MYH3: variants seen among roughly 807,000 people sequenced by gnomAD.
MYH3 encodes myosin heavy chain 3.
Under a neutral mutation model 238.0 loss-of-function variants are expected in MYH3, and 130 were observed. The observed-to-expected ratio is 0.55, with a 90% CI of 0.47 to 0.63. The LOEUF (loss-of-function observed/expected upper bound fraction) is 0.63. MYH3 is among the 30% of genes least tolerant of loss of function. MYH3 has a pLI of 0.00. For synonymous variants in MYH3, 880 were observed against 924.1 expected, an observed-to-expected ratio of 0.95 and a Z score of 0.86; for missense variants, 1,853 against 2,374.9, an observed-to-expected ratio of 0.78 and a Z score of 4.57.
intron 34 of MYH3, 85 bp from the exon 35 acceptor site, chr17:10,632,101 T>G: frequency 6.8e-7 from 1 of 1,464,552 alleles, no homozygotes; most frequent in Non-Finnish European, 9.2e-7. Flanking sequence ...TTTGTTTGTT[T>G]GTTTGTTTGT....
chr17:10,630,066 G>A (rs184126464), intron 38 of MYH3, 26 bp downstream of exon 38: 44 of 1,609,372 alleles, frequency 2.7e-5, no homozygotes, highest in African/African-American at 1.2e-4. Flanking sequence ...CAGAGGACAC[G>A]ATCATGGCGT....
At chr17:10,670,799 A>G in the MYH3 span, among the ~76,000 whole-genome samples, 1 of 152,218 alleles carries the variant, frequency 6.6e-6, no homozygotes, top group African/African-American at 2.4e-5. This position sits in a 1 kb window ranked among gnomAD's most constrained non-coding sequence, Gnocchi z 7.0. Context: ...ATATCTTTTC[A>G]GATCATTAAA....
rs369994001 is a variant in MYH3 at position 10,630,141 on chromosome 17, A to G, written c.5513T>C (p.Val1838Ala). ...EGEQKKNTES[V>A]KGLRKYERRV... The stretch of plus-strand genomic sequence containing the variant: ...CCGCTCATACTTCCTCAGGCCCTTA[A>G]CAGACTCTGTGTTCTTCTTCTGCTC... The change falls in exon 38 of 41, where the codon GTT becomes GCT. Residue 1838 changes from valine to alanine, a missense_variant. This residue lies in a region of MYH3 where 1,044 missense variants were observed against 1,192.6 expected (regional missense o/e 0.88). Transcript: ENST00000583535. 1.9e-6 allele frequency: 3 copies of G among 1,613,940 alleles called. No individual in the cohort carries two copies. Among genetic ancestry groups the G allele is most frequent in the Non-Finnish European group, 2.5e-6 (3 of 1,180,020 alleles).
chr17:10,658,152 G>T (rs1038556038), upstream of MYH3, among the ~76,000 whole-genome samples: 1 of 152,158 alleles, frequency 6.6e-6, no homozygotes, highest in South Asian at 2.1e-4. Flanking sequence ...CGGACAAGGG[G>T]GGGCTGTCTA....
chr17:10,632,614 C>T lies in MYH3; in HGVS notation c.4818G>A (p.Val1606=), dbSNP rs747613220. The change falls in exon 34 of 41, where the codon GTG becomes GTA. Residue 1606 remains valine (V), a synonymous_variant. Transcript: ENST00000583535. ...ETMQSALDAE[V]RSRNEAIRLK... is the part of the protein sequence containing the mutation. ...GCCGGATGGCTTCATTCCTGCTCCG[C>T]ACCTCGGCGTCCAGGGCGCTCTGCA... The T allele has an allele frequency of 1.9e-6, 3 of 1,614,160 alleles. No homozygotes were observed. Among genetic ancestry groups the T allele is most frequent in the South Asian group, 2.2e-5 (2 of 91,086 alleles).
upstream of MYH3, among the ~76,000 whole-genome samples, chr17:10,660,142 G>A (rs1242148673): frequency 2.0e-5 from 3 of 152,184 alleles, no homozygotes; most frequent in Admixed American, 2.0e-4. Flanking sequence ...GTAAAACGGG[G>A]GTGACATACC....
the MYH3 span, among the ~76,000 whole-genome samples, chr17:10,664,748 G>T: frequency 1.3e-5 from 2 of 152,196 alleles, no homozygotes; most frequent in African/African-American, 4.8e-5. Flanking sequence ...ATTGAACTCA[G>T]ATGATTGACG....
At position 10,654,631 on chromosome 17, in the gene MYH3, C is replaced by T. The variant is rs2074410731; in HGVS notation, c.204+230G>A. On this transcript the variant is annotated intron_variant, in intron 3 of 40. Coordinates refer to ENST00000583535, the MANE Select transcript of MYH3 (RefSeq NM_002470.4). The surrounding 1 kb of genome is among the most constrained non-coding windows in gnomAD (Gnocchi z 4.5). ...GAACGTGGACAAAAATACCTGAAAA[C>T]TAATTGTTTTAATCAGCCACAGCCA... Among the ~76,000 whole-genome samples, 1 of 152,228 alleles carries T rather than the reference C, an allele frequency of 6.6e-6. No homozygotes were observed. Among genetic ancestry groups the T allele is most frequent in the Admixed American group, 6.5e-5 (1 of 15,284 alleles).
the MYH3 span, chr17:10,676,324 C>T: frequency 1.3e-5 from 2 of 152,212 alleles, no homozygotes; most frequent in Non-Finnish European, 2.9e-5. Flanking sequence ...CTCTCAACCT[C>T]AGGTGATCCA....
intron 4 of MYH3, chr17:10,652,143 G>A (rs1329240268): frequency 1.2e-5 from 6 of 494,920 alleles, no homozygotes; most frequent in Admixed American, 3.2e-5. Flanking sequence ...GGGGAGTGGC[G>A]ACCCTCCCAC....
chr17:10,629,767 G>A, intron 39 of MYH3, 33 bp from the exon 40 acceptor site: 2 of 1,614,212 alleles, frequency 1.2e-6, no homozygotes, highest in Non-Finnish European at 1.7e-6. Flanking sequence ...GGTTATATCA[G>A]CACGCGCCTC....
intron 31 of MYH3, among the ~76,000 whole-genome samples, chr17:10,634,432 C>T (rs572066490): frequency 6.6e-6 from 1 of 152,220 alleles, no homozygotes; most frequent in Non-Finnish European, 1.5e-5. Context: ...GCATAATTGT[C>T]CTTTTCCTAA....
rs201455783 is a variant in MYH3 at position 10,654,135 on chromosome 17, T to TTTTC, written c.204+722_204+725dup. ...GTATTTCCTTTACTTGTCTCTTTTATTTTCTTTCTTTCTTTCTCTTTCTTT... is the reference window on the plus strand; with the variant it reads ...GTATTTCCTTTACTTGTCTCTTTTATTTTCTTTCTTTCTTTCTTTCTCTTTCTTT... On this transcript the variant is annotated intron_variant, in intron 3 of 40. Coordinates refer to ENST00000583535, the MANE Select transcript of MYH3 (RefSeq NM_002470.4). This position sits in a 1 kb window ranked among gnomAD's most constrained non-coding sequence, Gnocchi z 4.5. Among the ~76,000 whole-genome samples, 12 of 146,906 alleles carry TTTTC rather than the reference T, an allele frequency of 8.2e-5. No individual in the cohort carries two copies. Among genetic ancestry groups the TTTTC allele is most frequent in the Middle Eastern group, 3.5e-3 (1 of 288 alleles).
At chr17:10,652,655 T>C (rs553552463) in intron 3 of MYH3, 92 bp from the exon 4 acceptor site, 3 of 1,430,272 alleles carry the variant, frequency 2.1e-6, no homozygotes, top group African/African-American at 3.0e-5. Context: ...GGAGTCTTGC[T>C]TTGTCGCCCA....
At chr17:10,657,887 T>C (rs1044964114), upstream of MYH3, among the ~76,000 whole-genome samples, 16 of 152,106 alleles carry the variant, frequency 1.1e-4, no homozygotes, top group African/African-American at 3.9e-4. Flanking sequence ...CTCCTCCTTC[T>C]ACTCCTCTCC....
Position 10,639,989 on chromosome 17 carries a change from C to T in MYH3, c.2682+7G>A, listed in dbSNP as rs963897280. 7 of 1,612,792 alleles carry T rather than the reference C, an allele frequency of 4.3e-6. No homozygotes were observed. Among genetic ancestry groups the T allele is most frequent in the Non-Finnish European group, 5.9e-6 (7 of 1,179,792 alleles). ...TAAAAAAAAAAAAAAGATTGCTAAA[C>T]ACGTACAGCTTGTACTTGGAGCTGC... is the stretch of plus-strand genomic sequence containing the variant. On this transcript the variant is annotated splice_region_variant and intron_variant, in intron 22 of 40. Coordinates refer to ENST00000583535, the MANE Select transcript of MYH3 (RefSeq NM_002470.4).
rs780640092 is a variant in MYH3 at position 10,655,027 on chromosome 17, G to A, written c.38C>T (p.Ala13Val). Residue 13 changes from alanine to valine, a missense_variant, in exon 3 of 41, where the codon GCT becomes GTT. By Grantham distance (64) the Ala-to-Val change is moderately conservative. This residue lies in a region of MYH3 where 131 missense variants were observed against 123.5 expected (regional missense o/e 1.06). Coordinates refer to ENST00000583535, the MANE Select transcript of MYH3 (RefSeq NM_002470.4). Reference protein sequence around the residue: ...SDTEMEVFGIAAPFLRKSEKE... With the variant: ...SDTEMEVFGIVAPFLRKSEKE... ...TTCTGACTTCCGGAGGAAAGGAGCA[G>A]CTATGCCGAACACTTCCATTTCAGT... 23 of 1,614,086 alleles carry A rather than the reference G, an allele frequency of 1.4e-5. No individual in the cohort carries two copies. The highest frequency in any genetic ancestry group is 3.3e-5 in the Admixed American group (2 of 60,012).
the MYH3 span, among the ~76,000 whole-genome samples, chr17:10,672,112 G>C: frequency 6.6e-6 from 1 of 152,202 alleles, no homozygotes. Context: ...TCCAGAGAAA[G>C]AAAGGGAGGA....
rs937169389 is a variant in MYH3, at chr17:10,654,626, G to A, written c.204+235C>T. Among the ~76,000 whole-genome samples the A allele has an allele frequency of 6.6e-5, 10 of 152,204 alleles. No homozygotes were observed. The highest frequency in any genetic ancestry group is 5.2e-4 in the Admixed American group (8 of 15,284). Reference sequence around the variant, plus strand: ...ACAGTGAACGTGGACAAAAATACCTGAAAACTAATTGTTTTAATCAGCCAC... The same window carrying A: ...ACAGTGAACGTGGACAAAAATACCTAAAAACTAATTGTTTTAATCAGCCAC... On this transcript the variant is annotated intron_variant, in intron 3 of 40. Coordinates refer to ENST00000583535, the MANE Select transcript of MYH3 (RefSeq NM_002470.4). This position sits in a 1 kb window ranked among gnomAD's most constrained non-coding sequence, Gnocchi z 4.5.
Sources: gnomAD v4.1 joint callset for allele counts (sites outside exome capture counted in the v4.1 genomes callset) on GRCh38, gnomAD v4.1.1 for gene constraint, gnomAD v4.1.1 regional missense constraint, Gnocchi (gnomAD v3.1) non-coding constraint, MANE v1.5 for transcripts, NCBI Gene and HGNC (gene_info 2026-07-23, HGNC 2026-07-21) for gene names.